The following FBF1 variants were observed in gnomAD, a reference collection of about 807,000 sequenced individuals.
FBF1 encodes fas-binding factor 1.
In FBF1, 119 loss-of-function variants were observed where a neutral mutation model predicts 147.2. The ratio of observed to expected loss-of-function variants is 0.81; its 90% CI spans 0.70 to 0.94. The LOEUF (loss-of-function observed/expected upper bound fraction) is 0.94, where lower values mean the gene tolerates loss of function less well. Ranked by LOEUF, FBF1 falls within the 40% of genes least tolerant of loss-of-function variation. The probability of loss-of-function intolerance (pLI) is 0.00; values close to 1 mark genes in which losing one functional copy is unlikely to be tolerated. For synonymous variants in FBF1, 601 were observed against 609.0 expected (o/e 0.99, Z 0.19); for missense variants, 1,449 against 1,500.8 (o/e 0.97, Z 0.57).
intron 15 of FBF1, 57 bp downstream of exon 15, chr17:75,921,888 G>A (rs951591961): frequency 3.7e-5 from 53 of 1,438,028 alleles, no homozygotes; most frequent in Non-Finnish European, 4.6e-5. Flanking sequence ...TCTCAGGACA[G>A]AGGCCTGTGC....
At position 75,938,100 on chromosome 17, in the gene FBF1, G is replaced by A. The variant is rs1472939008; in HGVS notation, c.3+47C>T. The A allele has an allele frequency of 3.1e-6, 5 of 1,610,608 alleles. No homozygotes were observed. The South Asian group carries it at 4.4e-5, about 14-fold the overall frequency. The stretch of plus-strand genomic sequence containing the variant: ...GTCAAGATCTTTGGGGATGCAGGAT[G>A]GGAGGCATGTTCGCTTTCCATGCAT... On this transcript the variant is annotated intron_variant, in intron 2 of 29. Transcript: ENST00000636174.
chr17:75,941,031 C>T lies in FBF1; in HGVS notation c.-267G>A, dbSNP rs1416595592. Reference sequence around the variant, plus strand: ...TCCCGCTTCCAGCCGCTGCCGGCACCCTCAGCCGTCTGGCCTCCCGCGGAA... The same window carrying T: ...TCCCGCTTCCAGCCGCTGCCGGCACTCTCAGCCGTCTGGCCTCCCGCGGAA... On this transcript the variant is annotated 5_prime_UTR_variant, in exon 1 of 30. Transcript: ENST00000636174. 6.6e-6 allele frequency: 1 copy of T among 152,304 alleles called. No homozygotes were observed. The highest frequency in any genetic ancestry group is 1.5e-5 in the Non-Finnish European group (1 of 68,092). The allele number at this position is 152,304 out of a possible 1,614,324, so 9.4% of individuals were successfully genotyped here.
chr17:75,916,007 CAAAAAAA>C lies in FBF1; in HGVS notation c.2506-875_2506-869del, dbSNP rs35055735. Among the ~76,000 whole-genome samples the C allele has an allele frequency of 2.3e-4, 15 of 65,484 alleles. No individual in the cohort carries two copies. In the East Asian group the frequency reaches 7.4e-3, roughly 32 times the overall value. The allele number at this position is 65,484 out of a possible 152,430, so 43.0% of individuals were successfully genotyped here. Reference sequence around the variant, plus strand: ...TGGGTGACAGAGCGAGACTCTGACTCAAAAAAAAAAAAAAAAAAAAAAAAGTTTTTGG... The same window carrying C: ...TGGGTGACAGAGCGAGACTCTGACTCAAAAAAAAAAAAAAAAAGTTTTTGG... On this transcript the variant is annotated intron_variant, in intron 23 of 29. Coordinates refer to ENST00000636174, the MANE Select transcript of FBF1 (RefSeq NM_001319193.2).
At position 75,920,061 on chromosome 17, in the gene FBF1, C is replaced by G. The variant is rs555506169; in HGVS notation, c.1877G>C (p.Gly626Ala). The change falls in exon 19 of 30, where the codon GGG (glycine) becomes GCG (alanine). Residue 626 changes from glycine to alanine, a missense_variant. Coordinates refer to ENST00000636174, the MANE Select transcript of FBF1 (RefSeq NM_001319193.2). Reference protein sequence around the residue: ...LERAQHELLLGSLQQQHQADL... With the variant: ...LERAQHELLLASLQQQHQADL... ...TGCCTGGTGCTGCTGCTGCAGACTC[C>G]CCAGCAGCAGCTCATGCTGGGCCCG... 11 of 1,599,878 alleles carry G rather than the reference C, an allele frequency of 6.9e-6. No individual in the cohort carries two copies. The highest frequency in any genetic ancestry group is 5.2e-5 in the Admixed American group (3 of 57,740).
At chr17:75,934,795 C>T (rs557328389) in intron 4 of FBF1, among the ~76,000 whole-genome samples, 1 of 148,502 alleles carries the variant, frequency 6.7e-6, no homozygotes, top group South Asian at 2.1e-4. Context: ...AGGAGAATTG[C>T]TTGAACCTGG....
At chr17:75,924,843 A>C (rs1191292044) in intron 13 of FBF1, among the ~76,000 whole-genome samples, 1 of 152,188 alleles carries the variant, frequency 6.6e-6, no homozygotes, top group Non-Finnish European at 1.5e-5. Context: ...AAAGAACTCC[A>C]AACTCAGAAA....
In FBF1 at chr17:75,923,244, C is replaced by T; in HGVS notation, c.1366G>A (p.Ala456Thr). 6.3e-7 allele frequency: 1 copy of T among 1,591,420 alleles called. No individual in the cohort carries two copies. The highest frequency in any genetic ancestry group is 1.1e-5 in the South Asian group (1 of 87,572). Residue 456 changes from alanine (A) to threonine (T), a missense_variant, in exon 14 of 30, where the codon GCT becomes ACT. Coordinates refer to ENST00000636174, the MANE Select transcript of FBF1 (RefSeq NM_001319193.2). This position sits in a 1 kb window ranked among gnomAD's most constrained non-coding sequence, Gnocchi z 4.1. ...KSQGLAREQH[A>T]GTSEGLHLAG... ...AAATGCAGGCCCTCAGAGGTCCCAG[C>T]ATGCTGCTCTCTGGCCAGGCCTTGG...
In FBF1 at chr17:75,909,643, T is replaced by C. The variant is rs755247262; in HGVS notation, c.*1080A>G. The C allele has an allele frequency of 3.5e-6, 2 of 567,172 alleles. No individual in the cohort carries two copies. Among genetic ancestry groups the C allele is most frequent in the Non-Finnish European group, 6.3e-6 (2 of 318,064 alleles). The allele number at this position is 567,172 out of a possible 1,614,324, so 35.1% of individuals were successfully genotyped here. A position where few individuals can be genotyped will look rare whatever the true frequency, so the allele number is the denominator to read the frequency against. ...TGCATGTTTGAAGCAGGGCTAATAG[T>C]ACCCTTCTCCTGGCTGTGGTCCAGC... On this transcript the variant is annotated 3_prime_UTR_variant, in exon 30 of 30. Transcript: ENST00000636174.
Position 75,938,225 on chromosome 17 carries a change from C to T in FBF1, c.-76G>A. On this transcript the variant is annotated 5_prime_UTR_variant, in exon 2 of 30. The change abolishes an upstream ATG in the 5' untranslated region. Transcript: ENST00000636174. Reference sequence around the variant, plus strand: ...ATCTGGATTCTGCCCACATCAGGCTCATACTCCCTAATGAAGAAAATTAAA... The same window carrying T: ...ATCTGGATTCTGCCCACATCAGGCTTATACTCCCTAATGAAGAAAATTAAA... The T allele has an allele frequency of 6.3e-7, 1 of 1,599,206 alleles. No homozygotes were observed. The highest frequency in any genetic ancestry group is 1.3e-5 in the African/African-American group (1 of 74,738).
At position 75,921,289 on chromosome 17, in the gene FBF1, A is replaced by G. The variant is rs1163802419; in HGVS notation, c.1629T>C (p.Cys543=). The change falls in exon 17 of 30, where the codon TGT becomes TGC. Residue 543 remains cysteine, a synonymous_variant. Coordinates refer to ENST00000636174, the MANE Select transcript of FBF1 (RefSeq NM_001319193.2). The part of the protein sequence containing the change: ...GDLSATEPAT[C]FPSTQKPTEP... Reference sequence around the variant, plus strand: ...CTGTGGGTTTCTGGGTGCTCGGGAAACACGTGGCAGGCTCTGAAACATCAA... The same window carrying G: ...CTGTGGGTTTCTGGGTGCTCGGGAAGCACGTGGCAGGCTCTGAAACATCAA... 1.9e-6 allele frequency: 3 copies of G among 1,592,560 alleles called. No individual in the cohort carries two copies. The highest frequency in any genetic ancestry group is 1.8e-5 in the Admixed American group (1 of 56,580).
intron 25 of FBF1, 134 bp from the exon 26 acceptor site, chr17:75,914,432 A>G: frequency 2.2e-6 from 3 of 1,361,706 alleles, no homozygotes; most frequent in Non-Finnish European, 2.9e-6. Flanking sequence ...AGGGAGAGCC[A>G]GAGAAGCCTG....
At chr17:75,921,218 C>T in intron 17 of FBF1, 26 bp downstream of exon 17, 1 of 1,568,074 alleles carries the variant, frequency 6.4e-7, no homozygotes, top group South Asian at 1.2e-5. Context: ...AGGCCCTGAG[C>T]TAGACCTGTC....
intron 1 of FBF1, among the ~76,000 whole-genome samples, chr17:75,938,790 C>G (rs566843069): frequency 9.3e-5 from 14 of 150,738 alleles, no homozygotes; most frequent in Non-Finnish European, 1.5e-4. Context: ...CGCTTGAACC[C>G]GCTAGACGGA....
At chr17:75,924,220 A>G (rs2065546842) in intron 13 of FBF1, among the ~76,000 whole-genome samples, 1 of 152,148 alleles carries the variant, frequency 6.6e-6, no homozygotes, top group Non-Finnish European at 1.5e-5. Context: ...TCTAAAAAAA[A>G]TAATAATAAG....
intron 4 of FBF1, 55 bp from the exon 5 acceptor site, chr17:75,933,143 A>G (rs1489916875): frequency 2.9e-6 from 4 of 1,399,352 alleles, no homozygotes; most frequent in Non-Finnish European, 4.0e-6. Context: ...CCTGGAGTCA[A>G]GATGCAAAGG....
chr17:75,921,997 T>C lies in FBF1; in HGVS notation c.1474A>G (p.Ser492Gly), dbSNP rs1194962051. 5 of 1,551,518 alleles carry C rather than the reference T, an allele frequency of 3.2e-6. No individual in the cohort carries two copies. Among genetic ancestry groups the C allele is most frequent in the Non-Finnish European group, 4.4e-6 (5 of 1,147,006 alleles). The change falls in exon 15 of 30, where the codon AGT becomes GGT. Residue 492 changes from serine (S) to glycine (G), a missense_variant. By Grantham distance (56) the Ser-to-Gly change is moderately conservative. Transcript: ENST00000636174. ...CTTTCTCGTGCAGTTGTTCCAGAAC[T>C]CCCTCCAGCAGCTGCGTGCTCAAGC... Reference protein sequence around the residue: ...QGLEHAAAGGSSGTTARERPC... With the variant: ...QGLEHAAAGGGSGTTARERPC...
At chr17:75,917,029 T>C (rs1272124251) in intron 23 of FBF1, among the ~76,000 whole-genome samples, 1 of 152,188 alleles carries the variant, frequency 6.6e-6, no homozygotes, top group East Asian at 1.9e-4. Context: ...TTCTTATTTC[T>C]TTATTTTTAG....
In FBF1 at chr17:75,921,529, C is replaced by T; in HGVS notation, c.1558G>A (p.Ala520Thr). 1 of 1,612,954 alleles carries T rather than the reference C, an allele frequency of 6.2e-7. No individual in the cohort carries two copies. The change falls in exon 16 of 30, where the codon GCA (alanine) becomes ACA (threonine). Residue 520 changes from alanine (A) to threonine (T), a missense_variant. Coordinates refer to ENST00000636174, the MANE Select transcript of FBF1 (RefSeq NM_001319193.2). The part of the protein sequence containing the change: ...SPVTQNHAAS[A>T]LPTGSPKRGT... ...CTCTTTGGGGAACCTGTAGGGAGTG[C>T]TGAGGCGGCATGGTTCTGAGTCACA...
chr17:75,920,150 G>T, intron 18 of FBF1, 43 bp from the exon 19 acceptor site: 1 of 1,583,108 alleles, frequency 6.3e-7, no homozygotes, highest in Non-Finnish European at 8.6e-7. Flanking sequence ...AGGGGAGGTG[G>T]CTGTACTCCA....
Sources: allele counts gnomAD v4.1 joint callset (sites outside exome capture counted in the v4.1 genomes callset), GRCh38; gene constraint gnomAD v4.1.1; non-coding constraint Gnocchi (gnomAD v3.1); transcripts MANE v1.5; gene names NCBI Gene and HGNC (gene_info 2026-07-23, HGNC 2026-07-21).